Variants in ARHGAP29 observed in about 807,000 individuals in gnomAD.
ARHGAP29 encodes rho GTPase-activating protein 29.
Under a neutral mutation model 122.6 loss-of-function variants are expected in ARHGAP29, and 43 were observed. The observed-to-expected ratio is 0.35, with a 90% CI of 0.27 to 0.45. The LOEUF (loss-of-function observed/expected upper bound fraction) is 0.45. Among genes scored for constraint, ARHGAP29 ranks in the 20% least tolerant of loss-of-function variants. The pLI is 1.00. For missense variants in ARHGAP29, 1,303 were observed against 1,477.2 expected (o/e 0.88, Z 1.93); for synonymous variants, 506 against 497.1 (o/e 1.02, Z -0.24).
At chr1:94,223,198 C>G (rs1652421589) in intron 2 of ARHGAP29, among the ~76,000 whole-genome samples, 1 of 152,208 alleles carries the variant, frequency 6.6e-6, no homozygotes, top group South Asian at 2.1e-4. Flanking sequence ...TCCGCCTCGG[C>G]CTCCCAAAGT....
chr1:94,231,292 A>G (rs752513634), intron 2 of ARHGAP29, 115 bp downstream of exon 2: 8 of 820,802 alleles, frequency 9.7e-6, no homozygotes, highest in Non-Finnish European at 1.5e-5. Context: ...AAAAGCACTA[A>G]AATAACTAAA....
chr1:94,279,328 C>G (rs559992869), upstream of ARHGAP29, among the ~76,000 whole-genome samples: 41 of 152,318 alleles, frequency 2.7e-4, no homozygotes, highest in South Asian at 8.5e-3. Context: ...GACCCTCTGC[C>G]TGGAATGCCC....
At chr1:94,201,447 C>T (rs925862172) in intron 12 of ARHGAP29, among the ~76,000 whole-genome samples, 10 of 150,408 alleles carry the variant, frequency 6.6e-5, no homozygotes, top group Non-Finnish European at 1.5e-4. Context: ...TCTTTCTTTT[C>T]CCTCCCTCCC....
the ARHGAP29 span, among the ~76,000 whole-genome samples, chr1:94,293,530 G>C: frequency 1.3e-5 from 2 of 152,164 alleles, no homozygotes; most frequent in Non-Finnish European, 2.9e-5. Flanking sequence ...AGGTATCTCA[G>C]TAGGAAATGC....
chr1:94,218,134 G>C (rs1652067856), intron 3 of ARHGAP29, among the ~76,000 whole-genome samples: 1 of 152,070 alleles, frequency 6.6e-6, no homozygotes. Context: ...TTTTCAATTG[G>C]GGTATCAATT....
chr1:94,209,848 C>A (rs923187098), intron 3 of ARHGAP29, among the ~76,000 whole-genome samples: 14 of 151,786 alleles, frequency 9.2e-5, no homozygotes, highest in African/African-American at 3.1e-4. Flanking sequence ...AGCATAAAAC[C>A]TGTAACAAAG....
chr1:94,177,277 G>A (rs550144456), intron 22 of ARHGAP29: 1 of 187,874 alleles, frequency 5.3e-6, no homozygotes, highest in African/African-American at 2.4e-5. Flanking sequence ...TACGGAACTG[G>A]AAGATACTAA....
chr1:94,253,648 G>GCACGCACA (rs907425793), intron 1 of ARHGAP29, among the ~76,000 whole-genome samples: 1 of 150,708 alleles, frequency 6.6e-6, no homozygotes. Flanking sequence ...ACGCACGCAC[G>GCACGCACA]CACGCACGCA....
chr1:94,237,706 A>G (rs549847817), upstream of ARHGAP29: 7 of 985,278 alleles, frequency 7.1e-6, no homozygotes, highest in African/African-American at 8.7e-5. Context: ...CGCGGCAGGT[A>G]CGGGAGGCAA....
chr1:94,277,306 T>G (rs1655228014), upstream of ARHGAP29, among the ~76,000 whole-genome samples: 1 of 152,180 alleles, frequency 6.6e-6, no homozygotes, highest in Non-Finnish European at 1.5e-5. Context: ...AAAGATGAGT[T>G]AAATATGCAG....
upstream of ARHGAP29, among the ~76,000 whole-genome samples, chr1:94,241,204 GTA>G (rs1252013244): frequency 6.6e-6 from 1 of 152,160 alleles, no homozygotes. Context: ...TTATGCCACA[GTA>G]TATACCCAGA....
At chr1:94,208,420 A>C (rs967310346) in intron 5 of ARHGAP29, among the ~76,000 whole-genome samples, 21 of 151,928 alleles carry the variant, frequency 1.4e-4, no homozygotes, top group African/African-American at 5.1e-4. Flanking sequence ...TTAAAGAAAT[A>C]TTATCCATAC....
chr1:94,174,975 C>T (rs915102226), intron 22 of ARHGAP29, among the ~76,000 whole-genome samples: 3 of 152,086 alleles, frequency 2.0e-5, no homozygotes, highest in African/African-American at 7.2e-5. Flanking sequence ...ACATGAACAG[C>T]TACAAAACAC....
chr1:94,310,671 C>A, the ARHGAP29 span, among the ~76,000 whole-genome samples: 1 of 152,156 alleles, frequency 6.6e-6, no homozygotes, highest in African/African-American at 2.4e-5. Flanking sequence ...TGCTATCTCA[C>A]TTTCTTCGTT....
chr1:94,257,035 A>G (rs1654386501), intron 1 of ARHGAP29, among the ~76,000 whole-genome samples: 1 of 152,180 alleles, frequency 6.6e-6, no homozygotes, highest in African/African-American at 2.4e-5. Flanking sequence ...AGGCTGTTTG[A>G]AAATTAAGAA....
At chr1:94,285,882 A>G in the ARHGAP29 span, among the ~76,000 whole-genome samples, 1 of 151,450 alleles carries the variant, frequency 6.6e-6, no homozygotes, top group Non-Finnish European at 1.5e-5. Context: ...TCAAAAAAAA[A>G]AAAAAAAAGA....
At chr1:94,199,770 C>A (rs1211646405) in intron 12 of ARHGAP29, among the ~76,000 whole-genome samples, 1 of 152,184 alleles carries the variant, frequency 6.6e-6, no homozygotes, top group African/African-American at 2.4e-5. Context: ...TTTCTTTCAT[C>A]CCTACTTACG....
intron 11 of ARHGAP29, 168 bp from the exon 12 acceptor site, chr1:94,202,025 T>C: frequency 3.2e-6 from 2 of 626,238 alleles, no homozygotes; most frequent in East Asian, 5.9e-5. Flanking sequence ...GGCAGTTGAT[T>C]TTAATGGACA....
intron 1 of ARHGAP29, among the ~76,000 whole-genome samples, chr1:94,261,047 T>C (rs1007887549): frequency 6.6e-6 from 1 of 152,158 alleles, no homozygotes; most frequent in African/African-American, 2.4e-5. Flanking sequence ...TCTTGAAACA[T>C]TAAAAAACCA....
Sources: gnomAD v4.1 joint callset for allele counts (sites outside exome capture counted in the v4.1 genomes callset) on GRCh38, gnomAD v4.1.1 for gene constraint, MANE v1.5 for transcripts, NCBI Gene and HGNC (gene_info 2026-07-23, HGNC 2026-07-21) for gene names.